The following AGBL4 variants were observed in gnomAD, a reference collection of about 807,000 sequenced individuals.
AGBL4 encodes the protein cytosolic carboxypeptidase 6.
Under a neutral mutation model 66.4 loss-of-function variants are expected in AGBL4, and 58 were observed. That is an observed-to-expected ratio of 0.87 (90% CI 0.71 to 1.09). The LOEUF (loss-of-function observed/expected upper bound fraction) is 1.09. Ranked by LOEUF, AGBL4 falls within the 50% of genes least tolerant of loss-of-function variation. The pLI is 0.00. For missense variants in AGBL4, 579 were observed against 631.0 expected, an observed-to-expected ratio of 0.92 and a Z score of 0.88; for synonymous variants, 234 against 222.9, an observed-to-expected ratio of 1.05 and a Z score of -0.44.
intron 1 of AGBL4, among the ~76,000 whole-genome samples, chr1:49,947,988 T>TAAATATAAA (rs1655437669): frequency 1.7e-5 from 1 of 59,450 alleles, no homozygotes; most frequent in Non-Finnish European, 3.1e-5. Flanking sequence ...AAATATATAT[T>TAAATATAAA]TATATATATA....
chr1:49,345,867 C>T (rs1645624735), intron 3 of AGBL4, among the ~76,000 whole-genome samples: 1 of 152,058 alleles, frequency 6.6e-6, no homozygotes, highest in Non-Finnish European at 1.5e-5. Flanking sequence ...TTGGAGGAGA[C>T]ACTGGTTATT....
At chr1:49,115,828 T>C (rs1366466540) in intron 4 of AGBL4, among the ~76,000 whole-genome samples, 1 of 152,192 alleles carries the variant, frequency 6.6e-6, no homozygotes, top group Non-Finnish European at 1.5e-5. Context: ...GTGACAGTCA[T>C]GACCCATTGA....
intron 3 of AGBL4, among the ~76,000 whole-genome samples, chr1:49,494,724 G>A (rs1368149954): frequency 2.6e-5 from 4 of 151,986 alleles, no homozygotes; most frequent in Admixed American, 6.6e-5. Context: ...GAATAATGCC[G>A]CCATAAACAT....
At chr1:49,127,553 G>C (rs545405559) in intron 4 of AGBL4, among the ~76,000 whole-genome samples, 28 of 152,050 alleles carry the variant, frequency 1.8e-4, no homozygotes, top group Non-Finnish European at 3.5e-4. Context: ...TATGCATGGG[G>C]TGAACTTGAA....
chr1:49,472,915 T>C (rs1001207668), intron 3 of AGBL4, among the ~76,000 whole-genome samples: 3 of 152,002 alleles, frequency 2.0e-5, no homozygotes, highest in Admixed American at 2.0e-4. Flanking sequence ...TGAGAACATA[T>C]GGTATTTGGT....
intron 4 of AGBL4, among the ~76,000 whole-genome samples, chr1:49,186,512 G>T (rs1647019461): frequency 2.0e-5 from 3 of 152,098 alleles, no homozygotes; most frequent in African/African-American, 7.2e-5. Context: ...CTGTAAAATG[G>T]TGATAATAAA....
rs1438479388 is a variant in AGBL4, at chr1:49,306,214, C to A, written c.283-60350G>T. Among the ~76,000 whole-genome samples the A allele has an allele frequency of 2.0e-5, 3 of 152,186 alleles. No individual in the cohort carries two copies. The East Asian group carries it at 5.8e-4, about 29-fold the overall frequency. On this transcript the variant is annotated intron_variant, in intron 3 of 13. Coordinates refer to ENST00000371839, the MANE Select transcript of AGBL4 (RefSeq NM_032785.4). ...CAAGAAATCTAGGAAAACACTTTTG[C>A]AATCCCAAAGGGCCTGTTGTTTCCA...
intron 3 of AGBL4, among the ~76,000 whole-genome samples, chr1:49,322,403 C>T (rs1000203851): frequency 6.6e-6 from 1 of 152,100 alleles, no homozygotes; most frequent in Non-Finnish European, 1.5e-5. Flanking sequence ...AAATAAAAGC[C>T]ATTTTAGCTA....
At chr1:48,859,929 G>C (rs190245736) in intron 6 of AGBL4, among the ~76,000 whole-genome samples, 95 of 152,238 alleles carry the variant, frequency 6.2e-4, no homozygotes, top group South Asian at 1.2e-3. Flanking sequence ...ATTAAAAATA[G>C]AATAGAATGC....
intron 3 of AGBL4, among the ~76,000 whole-genome samples, chr1:49,364,415 A>G (rs918516836): frequency 6.6e-6 from 1 of 152,186 alleles, no homozygotes; most frequent in African/African-American, 2.4e-5. Context: ...TTATTTATAG[A>G]GTACTATGTA....
At chr1:49,098,018 C>T (rs985780713) in intron 4 of AGBL4, among the ~76,000 whole-genome samples, 6 of 152,212 alleles carry the variant, frequency 3.9e-5, no homozygotes, top group Non-Finnish European at 8.8e-5. Context: ...GGAGTTATGA[C>T]ATTCCTTCTT....
chr1:48,796,885 CAAG>C (rs1311217259), intron 6 of AGBL4, among the ~76,000 whole-genome samples: 1 of 152,120 alleles, frequency 6.6e-6, no homozygotes, highest in Admixed American at 6.5e-5. Context: ...GCATCTTCCA[CAAG>C]AAGAACAGGT....
chr1:49,118,054 G>A (rs1645567794), intron 4 of AGBL4, among the ~76,000 whole-genome samples: 1 of 152,124 alleles, frequency 6.6e-6, no homozygotes, highest in Non-Finnish European at 1.5e-5. Flanking sequence ...TGTGATTTTT[G>A]CACATGGATT....
At chr1:49,333,863 G>A (rs533292776) in intron 3 of AGBL4, among the ~76,000 whole-genome samples, 18 of 152,126 alleles carry the variant, frequency 1.2e-4, no homozygotes, top group African/African-American at 4.3e-4. Flanking sequence ...TAAATTTGTG[G>A]GACTTCCATT....
chr1:49,224,533 C>T (rs11205610), intron 4 of AGBL4, among the ~76,000 whole-genome samples: 134,781 of 150,660 alleles, frequency 0.89, 60,787 homozygotes, highest in South Asian at 0.95. Flanking sequence ...AGAAGAATGG[C>T]GTGGACCCAG....
chr1:49,177,201 A>G (rs1646848533), intron 4 of AGBL4, among the ~76,000 whole-genome samples: 1 of 152,200 alleles, frequency 6.6e-6, no homozygotes, highest in African/African-American at 2.4e-5. Flanking sequence ...ATTTTGCCTC[A>G]TAATCTAGTA....
At chr1:49,368,402 A>G (rs1394760438) in intron 3 of AGBL4, among the ~76,000 whole-genome samples, 1 of 152,178 alleles carries the variant, frequency 6.6e-6, no homozygotes, top group East Asian at 1.9e-4. Flanking sequence ...TTTTAAAAGT[A>G]TTTATTTATA....
intron 5 of AGBL4, among the ~76,000 whole-genome samples, chr1:48,976,805 A>T (rs889467430): frequency 6.6e-6 from 1 of 152,044 alleles, no homozygotes; most frequent in Non-Finnish European, 1.5e-5. Context: ...CTTAACTCCA[A>T]TATCCCCTAC....
At chr1:49,211,689 A>G (rs1263423632) in intron 4 of AGBL4, among the ~76,000 whole-genome samples, 12 of 152,136 alleles carry the variant, frequency 7.9e-5, no homozygotes, top group Non-Finnish European at 1.6e-4. Flanking sequence ...GTAGTAGGGC[A>G]GACAGACAAG....
Sources: gnomAD v4.1 joint callset for allele counts (sites outside exome capture counted in the v4.1 genomes callset) on GRCh38, gnomAD v4.1.1 for gene constraint, MANE v1.5 for transcripts, NCBI Gene and HGNC (gene_info 2026-07-23, HGNC 2026-07-21) for gene names.